The following FRAS1 variants were observed in gnomAD, a reference collection of about 807,000 sequenced individuals.
FRAS1 encodes the protein Fraser extracellular matrix complex subunit 1, also known as extracellular matrix organizing protein FRAS1.
FRAS1 carries 290 observed loss-of-function variants against 435.2 expected under a neutral mutation model. The observed-to-expected ratio is 0.67, with a 90% CI of 0.61 to 0.73. The LOEUF is 0.73. Among genes scored for constraint, FRAS1 ranks in the 30% least tolerant of loss-of-function variants. FRAS1 has a pLI of 0.00. For missense variants in FRAS1, 4,860 were observed against 5,001.5 expected (o/e 0.97, Z 0.85); for synonymous variants, 1,800 against 1,851.0 (o/e 0.97, Z 0.71).
Position 78,493,346 on chromosome 4 carries a change from C to T in FRAS1, c.8959-3459C>T, listed in dbSNP as rs543079215. Among the ~76,000 whole-genome samples, 15 of 152,314 alleles carry T rather than the reference C, an allele frequency of 9.8e-5. No homozygotes were observed. The South Asian group carries it at 2.9e-3, about 29-fold the overall frequency. ...TATAAATCTTTCTATTATAAAGACACATGCACATGTATATTTATTGCAGCA... is the reference window on the plus strand; with the variant it reads ...TATAAATCTTTCTATTATAAAGACATATGCACATGTATATTTATTGCAGCA... On this transcript the variant is annotated intron_variant, in intron 59 of 73. Coordinates refer to ENST00000512123, the MANE Select transcript of FRAS1 (RefSeq NM_025074.7).
chr4:78,264,779 G>T (rs1298551666), intron 6 of FRAS1: 2 of 551,360 alleles, frequency 3.6e-6, no homozygotes, highest in African/African-American at 1.9e-5. Flanking sequence ...ATTGTTATTT[G>T]TGCTTTTCTT....
chr4:78,439,136 A>T, intron 40 of FRAS1, 72 bp downstream of exon 40: 1 of 1,332,940 alleles, frequency 7.5e-7, no homozygotes, highest in African/African-American at 1.5e-5. Context: ...TAAATGAAGG[A>T]TTTCTGCCTA....
rs752648327 is a variant in FRAS1 at position 78,057,989 on chromosome 4, A to G, written c.-21A>G. 6.2e-7 allele frequency: 1 copy of G among 1,613,004 alleles called. No homozygotes were observed. The highest frequency in any genetic ancestry group is 8.5e-7 in the Non-Finnish European group (1 of 1,179,148). ...TGGATGCTGAAGGCTGGGCTCCTCC[A>G]TCGTGGGTGCCGAGGCGGCGATGGG... On this transcript the variant is annotated 5_prime_UTR_variant, in exon 1 of 74. Transcript: ENST00000512123. The surrounding 1 kb of genome is among the most constrained non-coding windows in gnomAD (Gnocchi z 4.2).
intron 27 of FRAS1, among the ~76,000 whole-genome samples, chr4:78,383,444 T>C (rs17003174): frequency 0.24 from 36,427 of 152,158 alleles, 4,789 homozygotes; most frequent in Admixed American, 0.31. Context: ...AGACTCTGGT[T>C]GTCCTGTAGT....
Position 78,540,530 on chromosome 4 carries a change from G to A in FRAS1, c.11446-1G>A. On this transcript the variant is annotated splice_acceptor_variant, in intron 73 of 73. Coordinates refer to ENST00000512123, the MANE Select transcript of FRAS1 (RefSeq NM_025074.7). LOFTEE classifies it high-confidence loss of function. ...AACATGTTCGGTTTGTCCCCCTGCA[G>A]GTGGAAGCAGGACACCAGTGGTATC... 1 of 1,488,902 alleles carries A rather than the reference G, an allele frequency of 6.7e-7. No individual in the cohort carries two copies. Among genetic ancestry groups the A allele is most frequent in the South Asian group, 1.5e-5 (1 of 66,940 alleles). The allele number at this position is 1,488,902 out of a possible 1,614,324, so 92.2% of individuals were successfully genotyped here. A position where few individuals can be genotyped will look rare whatever the true frequency, so the allele number is the denominator to read the frequency against.
chr4:78,468,495 C>G (rs1420398646), intron 50 of FRAS1, among the ~76,000 whole-genome samples: 5 of 151,774 alleles, frequency 3.3e-5, no homozygotes, highest in Non-Finnish European at 5.9e-5. Flanking sequence ...ACATCATCAT[C>G]ATCATCATCA....
chr4:78,249,579 T>C (rs1725436621), intron 4 of FRAS1, among the ~76,000 whole-genome samples: 1 of 152,108 alleles, frequency 6.6e-6, no homozygotes, highest in Non-Finnish European at 1.5e-5. Context: ...CGCCTTGGCC[T>C]CCCAAAGTGC....
intron 3 of FRAS1, among the ~76,000 whole-genome samples, chr4:78,237,837 G>A (rs1052862090): frequency 3.3e-5 from 5 of 152,076 alleles, no homozygotes; most frequent in African/African-American, 9.7e-5. Flanking sequence ...CATTTATTGG[G>A]CATTTACTCT....
intron 2 of FRAS1, chr4:78,181,544 A>G (rs1309698025): frequency 6.2e-7 from 1 of 1,611,400 alleles, no homozygotes; most frequent in East Asian, 2.2e-5. Flanking sequence ...ACCTCTTCCA[A>G]GACCACCACG....
intron 1 of FRAS1, among the ~76,000 whole-genome samples, chr4:78,062,486 A>G (rs908906170): frequency 6.6e-6 from 1 of 152,068 alleles, no homozygotes; most frequent in Non-Finnish European, 1.5e-5. Flanking sequence ...TGCTCTCCAA[A>G]TCTTTTTGTA....
chr4:78,322,109 T>A (rs148926444), intron 18 of FRAS1, among the ~76,000 whole-genome samples: 1 of 152,204 alleles, frequency 6.6e-6, no homozygotes, highest in Non-Finnish European at 1.5e-5. Flanking sequence ...TAAGATTCCA[T>A]TGGGAAACCG....
intron 2 of FRAS1, among the ~76,000 whole-genome samples, chr4:78,174,468 C>T (rs1217330308): frequency 6.6e-6 from 1 of 152,172 alleles, no homozygotes; most frequent in African/African-American, 2.4e-5. Context: ...CTCCAAACTC[C>T]CATCCCGCTC....
At chr4:78,386,416 C>G (rs143924576) in intron 28 of FRAS1, among the ~76,000 whole-genome samples, 59 of 152,246 alleles carry the variant, frequency 3.9e-4, no homozygotes, top group African/African-American at 1.3e-3. Context: ...GTAGAATTCT[C>G]ACTTGAGAAT....
chr4:78,443,642 G>C (rs1313842986), intron 41 of FRAS1, among the ~76,000 whole-genome samples: 1 of 152,094 alleles, frequency 6.6e-6, no homozygotes, highest in Admixed American at 6.5e-5. Context: ...TATTTAATTT[G>C]CACATCATAT....
chr4:78,194,528 T>C (rs1388096727), intron 2 of FRAS1, among the ~76,000 whole-genome samples: 4 of 152,244 alleles, frequency 2.6e-5, no homozygotes, highest in Non-Finnish European at 5.9e-5. Flanking sequence ...CATTTGATCT[T>C]CCATCACTGA....
At chr4:78,524,687 TG>T (rs1016849634) in intron 69 of FRAS1, among the ~76,000 whole-genome samples, 21 of 152,204 alleles carry the variant, frequency 1.4e-4, no homozygotes, top group African/African-American at 5.1e-4. Flanking sequence ...GAATGTTTAC[TG>T]TTTGTCAGAG....
intron 2 of FRAS1, among the ~76,000 whole-genome samples, chr4:78,156,280 T>C (rs910770657): frequency 3.9e-5 from 6 of 152,152 alleles, no homozygotes; most frequent in African/African-American, 1.4e-4. Flanking sequence ...AGCTTTAATG[T>C]CCATATCTGA....
At chr4:78,363,055 G>A (rs1731135960) in intron 20 of FRAS1, among the ~76,000 whole-genome samples, 1 of 152,132 alleles carries the variant, frequency 6.6e-6, no homozygotes, top group Non-Finnish European at 1.5e-5. Flanking sequence ...TATGGTGAAG[G>A]TGGGGTTTCA....
chr4:78,317,769 A>G (rs1026673593), intron 17 of FRAS1, among the ~76,000 whole-genome samples: 1 of 152,188 alleles, frequency 6.6e-6, no homozygotes, highest in African/African-American at 2.4e-5. Context: ...AATTAAACAA[A>G]CTAGAACTCT....
Sources: allele counts gnomAD v4.1 joint callset (sites outside exome capture counted in the v4.1 genomes callset), GRCh38; gene constraint gnomAD v4.1.1; non-coding constraint Gnocchi (gnomAD v3.1); transcripts MANE v1.5; gene names NCBI Gene and HGNC (gene_info 2026-07-23, HGNC 2026-07-21).